The following JHY variants were observed in gnomAD, a reference collection of about 807,000 sequenced individuals.
The protein encoded by JHY is junctional cadherin complex regulator.
Under a neutral mutation model 78.0 loss-of-function variants are expected in JHY, and 69 were observed. That is an observed-to-expected ratio of 0.88 (90% CI 0.73 to 1.08). The LOEUF is 1.08. Among genes scored for constraint, JHY ranks in the 50% least tolerant of loss-of-function variants. The pLI is 0.00. For missense variants in JHY, 944 were observed against 927.8 expected, an observed-to-expected ratio of 1.02 and a Z score of -0.23; for synonymous variants, 368 against 342.6, an observed-to-expected ratio of 1.07 and a Z score of -0.82.
chr11:122,884,485 C>T (rs937567932), intron 1 of JHY, among the ~76,000 whole-genome samples: 2 of 151,808 alleles, frequency 1.3e-5, no homozygotes, highest in African/African-American at 4.8e-5. Context: ...AGAAAATAGA[C>T]CAAAATAGAA....
At chr11:122,934,294 A>T in intron 4 of JHY, 126 bp from the exon 5 acceptor site, 1 of 434,834 alleles carries the variant, frequency 2.3e-6, no homozygotes, top group Non-Finnish European at 3.2e-6. Flanking sequence ...CCAGCCTGGG[A>T]GACAGTGAGA....
chr11:122,926,187 CAAAAAAA>C (rs574945272), intron 4 of JHY, among the ~76,000 whole-genome samples: 58 of 40,096 alleles, frequency 1.4e-3, no homozygotes, highest in East Asian at 5.2e-3. Flanking sequence ...GACTCCATCT[CAAAAAAA>C]AAAAAAAAAA....
intron 2 of JHY, among the ~76,000 whole-genome samples, chr11:122,887,970 C>G (rs1184688700): frequency 6.6e-6 from 1 of 152,104 alleles, no homozygotes; most frequent in Non-Finnish European, 1.5e-5. Context: ...ACTGCAAGGG[C>G]TCGTGTGGGA....
intron 2 of JHY, among the ~76,000 whole-genome samples, chr11:122,886,739 T>C (rs1188752158): frequency 6.6e-6 from 1 of 152,178 alleles, no homozygotes. Context: ...TAAGCCACCA[T>C]GCCTGACCCA....
At chr11:122,912,487 A>G (rs965073122) in intron 3 of JHY, among the ~76,000 whole-genome samples, 4 of 152,164 alleles carry the variant, frequency 2.6e-5, no homozygotes, top group African/African-American at 7.2e-5. Flanking sequence ...GAGAAAAACT[A>G]AAACCAAAAC....
In JHY at chr11:122,959,270, T is replaced by C; in HGVS notation, c.2162T>C (p.Ile721Thr). ...RQKALEYAKTIPKPKPSNLTH... is the reference protein window; with the variant it reads ...RQKALEYAKTTPKPKPSNLTH... The stretch of plus-strand genomic sequence containing the variant: ...TAGGCTTTGGAATACGCTAAGACCA[T>C]CCCCAAACCCAAACCATCAAATCTG... The change falls in exon 9 of 9, where the codon ATC becomes ACC. Residue 721 changes from isoleucine to threonine, a missense_variant. By Grantham distance (89) the Ile-to-Thr change is moderately conservative. Transcript: ENST00000227349. 1 of 1,614,004 alleles carries C rather than the reference T, an allele frequency of 6.2e-7. No individual in the cohort carries two copies. The highest frequency in any genetic ancestry group is 8.5e-7 in the Non-Finnish European group (1 of 1,179,996).
intron 1 of JHY, among the ~76,000 whole-genome samples, chr11:122,884,171 C>A (rs946214458): frequency 2.6e-5 from 4 of 152,184 alleles, no homozygotes; most frequent in Non-Finnish European, 4.4e-5. Context: ...ACAGGGCAGA[C>A]TTCGAGTTCA....
chr11:122,887,817 A>AG (rs1862528633), intron 2 of JHY, among the ~76,000 whole-genome samples: 1 of 152,104 alleles, frequency 6.6e-6, no homozygotes, highest in African/African-American at 2.4e-5. Flanking sequence ...TAGACTGAGT[A>AG]GGGGTCTGAT....
intron 2 of JHY, 111 bp from the exon 3 acceptor site, chr11:122,903,808 TAAAAGG>T (rs2135306735): frequency 7.3e-7 from 1 of 1,374,792 alleles, no homozygotes; most frequent in Admixed American, 2.3e-5. Flanking sequence ...ATACAGATAA[TAAAAGG>T]AAAACTATAG....
intron 6 of JHY, among the ~76,000 whole-genome samples, chr11:122,948,442 T>TTCA (rs1864010636): frequency 1.4e-5 from 2 of 143,502 alleles, no homozygotes; most frequent in African/African-American, 5.2e-5. Context: ...AAACTTTGTC[T>TTCA]TAATAATAAT....
chr11:122,941,865 GTTTA>G (rs970491656), intron 5 of JHY, among the ~76,000 whole-genome samples: 5 of 151,874 alleles, frequency 3.3e-5, no homozygotes, highest in African/African-American at 4.8e-5. Context: ...GTTTGTTTTA[GTTTA>G]TTTATTTATT....
At position 122,946,761 on chromosome 11, in the gene JHY, G is replaced by A; in HGVS notation, c.1898G>A (p.Gly633Glu). The change falls in exon 6 of 9, where the codon GGA (glycine) becomes GAA (glutamate). Residue 633 changes from glycine to glutamate, a missense_variant. By Grantham distance (98) the Gly-to-Glu change is moderately conservative. Transcript: ENST00000227349. ...SEGYLFQLEK[G>E]KKHKKRSSSK... ...GGCTATCTGTTTCAACTGGAAAAGG[G>A]AAAAAAGCATAAGAAAAGAAGCAGC... 1 of 1,608,906 alleles carries A rather than the reference G, an allele frequency of 6.2e-7. No homozygotes were observed. The highest frequency in any genetic ancestry group is 8.5e-7 in the Non-Finnish European group (1 of 1,178,644).
chr11:122,948,901 T>C (rs1256644833), intron 6 of JHY, among the ~76,000 whole-genome samples: 1 of 151,976 alleles, frequency 6.6e-6, no homozygotes, highest in Non-Finnish European at 1.5e-5. Flanking sequence ...CTGGCCAATA[T>C]GGTGAAACCC....
In JHY at chr11:122,962,569, T is replaced by G. The variant is rs952206611; in HGVS notation, c.*3124T>G. ...AAGAGAAGAGGCCCTTCTAGGTGCATGAAGACATTTCTAGAAATATGAGGT... is the reference window on the plus strand; with the variant it reads ...AAGAGAAGAGGCCCTTCTAGGTGCAGGAAGACATTTCTAGAAATATGAGGT... On this transcript the variant is annotated 3_prime_UTR_variant, in exon 9 of 9. Transcript: ENST00000227349. 6.6e-6 allele frequency among the ~76,000 whole-genome samples: 1 copy of G among 152,190 alleles called. No homozygotes were observed. The highest frequency in any genetic ancestry group is 2.4e-5 in the African/African-American group (1 of 41,454).
rs558872891 is a variant in JHY, at chr11:122,885,831, A to T, written c.-19A>T. ...CTATCAACACGAGTATCCCCTGTTA[A>T]TTTTTTGCATTTTTCAAGATGAGTA... On this transcript the variant is annotated 5_prime_UTR_variant, in exon 2 of 9. Coordinates refer to ENST00000227349, the MANE Select transcript of JHY (RefSeq NM_024806.4). 1 of 1,571,720 alleles carries T rather than the reference A, an allele frequency of 6.4e-7. No homozygotes were observed. Among genetic ancestry groups the T allele is most frequent in the Non-Finnish European group, 8.7e-7 (1 of 1,148,778 alleles).
intron 6 of JHY, 152 bp downstream of exon 6, chr11:122,946,944 C>G: frequency 1.3e-6 from 1 of 785,564 alleles, no homozygotes; most frequent in South Asian, 2.0e-5. Flanking sequence ...TTACTCCTGC[C>G]CCTGCTACTC....
intron 4 of JHY, among the ~76,000 whole-genome samples, chr11:122,932,177 T>A (rs1159103964): frequency 6.6e-6 from 1 of 152,100 alleles, no homozygotes; most frequent in Non-Finnish European, 1.5e-5. Context: ...GATGCCCCAA[T>A]TGTAGGGTAA....
chr11:122,903,251 T>G (rs1862901676), intron 2 of JHY, among the ~76,000 whole-genome samples: 1 of 152,262 alleles, frequency 6.6e-6, no homozygotes, highest in South Asian at 2.1e-4. Flanking sequence ...GCTGAAATAC[T>G]GAGTCATTGT....
chr11:122,924,512 T>C (rs902713253), intron 3 of JHY, among the ~76,000 whole-genome samples: 6 of 152,238 alleles, frequency 3.9e-5, no homozygotes, highest in Non-Finnish European at 7.3e-5. Context: ...AAAACATTGT[T>C]ATTTCTGTTG....
Sources: allele counts gnomAD v4.1 joint callset (sites outside exome capture counted in the v4.1 genomes callset), GRCh38; gene constraint gnomAD v4.1.1; transcripts MANE v1.5; gene names NCBI Gene and HGNC (gene_info 2026-07-23, HGNC 2026-07-21).